CSGALNACT1: variants seen among roughly 807,000 people sequenced by gnomAD.
CSGALNACT1 encodes the protein chondroitin sulfate N-acetylgalactosaminyltransferase 1, also known as beta4GalNAcT-1.
Under a neutral mutation model 51.0 loss-of-function variants are expected in CSGALNACT1, and 52 were observed. The ratio of observed to expected loss-of-function variants is 1.02; its 90% confidence interval spans 0.82 to 1.29. The LOEUF (loss-of-function observed/expected upper bound fraction) is 1.29, where lower values mean the gene tolerates loss of function less well. CSGALNACT1 is among the 50% of genes most tolerant of loss of function. The pLI is 0.00. For missense variants in CSGALNACT1, 935 were observed against 679.2 expected (o/e 1.38, Z -4.19); for synonymous variants, 341 against 254.4 (o/e 1.34, Z -3.24).
chr8:19,599,331 C>T lies in CSGALNACT1; in HGVS notation c.-416+2440G>A, dbSNP rs181446436. 1.6e-3 allele frequency among the ~76,000 whole-genome samples: 247 copies of T among 150,142 alleles called. 1 individual carries two copies. Among genetic ancestry groups the T allele is most frequent in the East Asian group, 5.7e-3 (29 of 5,090 alleles). Reference sequence around the variant, plus strand: ...GAGCAGTGACAAGATACAAGGTGGCCGTAAAAATTGTGAGCAGAGGCCAAG... The same window carrying T: ...GAGCAGTGACAAGATACAAGGTGGCTGTAAAAATTGTGAGCAGAGGCCAAG... On this transcript the variant is annotated intron_variant, in intron 2 of 9. Transcript: ENST00000454498.
At chr8:19,631,223 G>A (rs59495894) in intron 1 of CSGALNACT1, among the ~76,000 whole-genome samples, 14,555 of 151,958 alleles carry the variant, frequency 0.096, 800 homozygotes, top group African/African-American at 0.15. Flanking sequence ...CAATGATCTT[G>A]ATTGCTCGCT....
At chr8:19,416,529 A>G (rs2056917136) in intron 8 of CSGALNACT1, among the ~76,000 whole-genome samples, 1 of 152,128 alleles carries the variant, frequency 6.6e-6, no homozygotes, top group Non-Finnish European at 1.5e-5. Flanking sequence ...CCACTCATTT[A>G]CTCACCCAGA....
At chr8:19,666,961 A>C (rs868511480) in intron 1 of CSGALNACT1, among the ~76,000 whole-genome samples, 1 of 11,550 alleles carries the variant, frequency 8.7e-5, no homozygotes, top group African/African-American at 4.7e-4. Context: ...GAAAGAAAGA[A>C]AGAAAGAAAG....
intron 1 of CSGALNACT1, among the ~76,000 whole-genome samples, chr8:19,613,223 C>T (rs1394399334): frequency 1.3e-5 from 2 of 152,100 alleles, no homozygotes; most frequent in South Asian, 2.1e-4. Flanking sequence ...ATTTTACATA[C>T]TCTCACCTAT....
At chr8:19,747,030 A>C (rs2064715490) in intron 1 of CSGALNACT1, among the ~76,000 whole-genome samples, 1 of 152,190 alleles carries the variant, frequency 6.6e-6, no homozygotes, top group Non-Finnish European at 1.5e-5. Flanking sequence ...CCACAAGCCA[A>C]AGAAGCCCCT....
intron 5 of CSGALNACT1, among the ~76,000 whole-genome samples, chr8:19,441,767 T>A (rs2061363963): frequency 2.0e-5 from 3 of 151,766 alleles, no homozygotes; most frequent in Admixed American, 2.0e-4. Flanking sequence ...GAAACTACCA[T>A]CAGAGTGAAC....
intron 1 of CSGALNACT1, among the ~76,000 whole-genome samples, chr8:19,660,042 G>A (rs532955931): frequency 2.6e-5 from 4 of 152,346 alleles, no homozygotes; most frequent in Admixed American, 6.5e-5. Context: ...TTATAGATGG[G>A]GAAACTGACG....
rs540681788 is a variant in CSGALNACT1 at position 19,457,205 on chromosome 8, A to C, written c.851+1221T>G. On this transcript the variant is annotated intron_variant, in intron 5 of 9. Transcript: ENST00000454498. ...CTAATCTTCAAAAAACTTAGTTATAAGTGGGTTATCCTTTAAATTCAAACA... is the reference window on the plus strand; with the variant it reads ...CTAATCTTCAAAAAACTTAGTTATACGTGGGTTATCCTTTAAATTCAAACA... Among the ~76,000 whole-genome samples, 3 of 152,342 alleles carry C rather than the reference A, an allele frequency of 2.0e-5. No individual in the cohort carries two copies. In the East Asian group the frequency reaches 5.8e-4, roughly 29 times the overall value.
Position 19,599,777 on chromosome 8 carries a change from G to C in CSGALNACT1, c.-416+1994C>G, listed in dbSNP as rs115783349. ...CCCAGAACTGCTCCTTACTTTTATA[G>C]ACTCAGGGCTTGAACATCCTTCAGC... is the stretch of plus-strand genomic sequence containing the variant. On this transcript the variant is annotated intron_variant, in intron 2 of 9. Transcript: ENST00000454498. 6.4e-3 allele frequency among the ~76,000 whole-genome samples: 971 copies of C among 152,266 alleles called. 18 individuals are homozygous for C. The highest frequency in any genetic ancestry group is 0.022 in the African/African-American group (926 of 41,554).
intron 4 of CSGALNACT1, among the ~76,000 whole-genome samples, chr8:19,481,364 T>C (rs1482199789): frequency 6.6e-6 from 1 of 152,022 alleles, no homozygotes; most frequent in Non-Finnish European, 1.5e-5. Context: ...CAACTCAGAG[T>C]AGAAATTACA....
At chr8:19,462,097 C>T (rs1461632521) in intron 4 of CSGALNACT1, among the ~76,000 whole-genome samples, 4 of 152,300 alleles carry the variant, frequency 2.6e-5, no homozygotes, top group Non-Finnish European at 4.4e-5. Context: ...ACAGCAGCCA[C>T]GTTTGTCACA....
In CSGALNACT1 at chr8:19,741,674, G is replaced by C. The variant is rs867040949; in HGVS notation, c.-297+16176C>G. Among the ~76,000 whole-genome samples, 36 of 152,086 alleles carry C rather than the reference G, an allele frequency of 2.4e-4. 1 individual carries two copies. Among genetic ancestry groups the C allele is most frequent in the Middle Eastern group, 3.4e-3 (1 of 292 alleles). ...TGAACTATAGGGACATTTAATAAAGGCTTCTGAATTCTTTTCACATTACTT... is the reference window on the plus strand; with the variant it reads ...TGAACTATAGGGACATTTAATAAAGCCTTCTGAATTCTTTTCACATTACTT... On this transcript the variant is annotated intron_variant, in intron 1 of 1. Coordinates refer to the CSGALNACT1 transcript ENST00000517494.
At chr8:19,738,196 C>G (rs925262170) in intron 1 of CSGALNACT1, among the ~76,000 whole-genome samples, 2 of 152,182 alleles carry the variant, frequency 1.3e-5, no homozygotes, top group Admixed American at 6.5e-5. Context: ...TACTGTACTC[C>G]TGAGTGACAG....
At chr8:19,449,942 A>G (rs1053662202) in intron 5 of CSGALNACT1, among the ~76,000 whole-genome samples, 18 of 151,600 alleles carry the variant, frequency 1.2e-4, no homozygotes, top group African/African-American at 4.4e-4. Context: ...GCTATCACAA[A>G]CAAAACAGAC....
intron 1 of CSGALNACT1, among the ~76,000 whole-genome samples, chr8:19,689,111 C>T (rs2154213919): frequency 6.6e-6 from 1 of 152,262 alleles, no homozygotes; most frequent in Admixed American, 6.5e-5. Context: ...AATCCATCTC[C>T]TATTGCCCCG....
intron 3 of CSGALNACT1, among the ~76,000 whole-genome samples, chr8:19,526,662 G>A (rs1022858522): frequency 6.6e-6 from 1 of 151,980 alleles, no homozygotes; most frequent in African/African-American, 2.4e-5. Flanking sequence ...ATTACTTAAA[G>A]GAGCCACAAT....
At chr8:19,523,224 G>C (rs2154032568) in intron 3 of CSGALNACT1, among the ~76,000 whole-genome samples, 1 of 152,218 alleles carries the variant, frequency 6.6e-6, no homozygotes, top group East Asian at 1.9e-4. Context: ...AGGAAAGGTG[G>C]CATGTAAGAT....
chr8:19,736,788 C>T (rs1202406724), intron 1 of CSGALNACT1, among the ~76,000 whole-genome samples: 4 of 152,134 alleles, frequency 2.6e-5, no homozygotes, highest in Non-Finnish European at 5.9e-5. Flanking sequence ...TACAGCACAT[C>T]TCACTAGAGT....
chr8:19,487,056 C>G (rs1316180085), intron 4 of CSGALNACT1, among the ~76,000 whole-genome samples: 1 of 152,212 alleles, frequency 6.6e-6, no homozygotes, highest in Non-Finnish European at 1.5e-5. Flanking sequence ...AGTTAACCTA[C>G]ATTCAGATGC....
Sources: allele counts gnomAD v4.1 joint callset (sites outside exome capture counted in the v4.1 genomes callset), GRCh38; gene constraint gnomAD v4.1.1; transcripts MANE v1.5; gene names NCBI Gene and HGNC (gene_info 2026-07-23, HGNC 2026-07-21).